Variants in RGS6 observed in about 807,000 individuals in gnomAD.
RGS6 encodes regulator of G protein signaling 6.
A neutral mutation model predicts 78.5 loss-of-function variants in RGS6; 30 were observed. The observed-to-expected ratio is 0.38, with a 90% confidence interval of 0.29 to 0.52. The LOEUF (loss-of-function observed/expected upper bound fraction) is 0.52. RGS6 is among the 20% of genes least tolerant of loss of function. RGS6 has a pLI of 0.85. For missense variants in RGS6, 495 were observed against 609.7 expected (o/e 0.81, Z 1.98); for synonymous variants, 206 against 206.0 (o/e 1.00, Z 0.00).
upstream of RGS6, among the ~76,000 whole-genome samples, chr14:71,930,506 C>G (rs141141198): frequency 4.3e-3 from 657 of 152,138 alleles, 6 homozygotes; most frequent in African/African-American, 0.015. Context: ...ATATAATACA[C>G]AAAATGTATC....
the RGS6 span, chr14:72,619,857 T>C: frequency 1.4e-6 from 2 of 1,480,420 alleles, no homozygotes; most frequent in Non-Finnish European, 9.0e-7. Context: ...GTGCTAGTAG[T>C]AGTAGTATCT....
intron 2 of RGS6, among the ~76,000 whole-genome samples, chr14:72,253,774 G>T (rs1294442146): frequency 6.6e-6 from 1 of 152,148 alleles, no homozygotes; most frequent in Non-Finnish European, 1.5e-5. Flanking sequence ...AGAGAGCTGA[G>T]CATCGGCCAA....
intron 2 of RGS6, among the ~76,000 whole-genome samples, chr14:72,023,457 C>A (rs1048547553): frequency 2.2e-4 from 33 of 152,206 alleles, no homozygotes; most frequent in African/African-American, 8.0e-4. Context: ...ACTAGATATT[C>A]ACTAGAACAT....
At chr14:72,050,810 CTT>C (rs2093186692) in intron 2 of RGS6, among the ~76,000 whole-genome samples, 1 of 152,116 alleles carries the variant, frequency 6.6e-6, no homozygotes, top group Admixed American at 6.5e-5. Flanking sequence ...GGAGGGCTGA[CTT>C]TGCGCATATG....
chr14:72,116,580 G>A (rs772158111), intron 2 of RGS6, among the ~76,000 whole-genome samples: 2 of 151,760 alleles, frequency 1.3e-5, no homozygotes, highest in Non-Finnish European at 2.9e-5. Context: ...TGTCACATGG[G>A]GCAAAATCAT....
the RGS6 span, among the ~76,000 whole-genome samples, chr14:72,593,120 A>T: frequency 6.6e-6 from 1 of 151,896 alleles, no homozygotes; most frequent in Non-Finnish European, 1.5e-5. Flanking sequence ...GCAGGAGAGG[A>T]CAGAAGGAAG....
chr14:71,990,585 T>G (rs1566972115), intron 2 of RGS6: 3 of 456,010 alleles, frequency 6.6e-6, no homozygotes, highest in Non-Finnish European at 8.8e-6. Context: ...TTCACAAGCA[T>G]TCTGTCTTGG....
chr14:72,371,291 C>T (rs911759682), intron 3 of RGS6, among the ~76,000 whole-genome samples: 9 of 152,180 alleles, frequency 5.9e-5, no homozygotes, highest in Non-Finnish European at 1.2e-4. Flanking sequence ...TAAAATCTTA[C>T]TCTAAATGTC....
upstream of RGS6, among the ~76,000 whole-genome samples, chr14:71,928,577 C>T (rs2087752817): frequency 6.6e-6 from 1 of 152,200 alleles, no homozygotes; most frequent in African/African-American, 2.4e-5. Context: ...GTTATTGAAA[C>T]TAAATTGCCA....
intron 3 of RGS6, among the ~76,000 whole-genome samples, chr14:72,449,114 A>C (rs1328783612): frequency 6.6e-6 from 1 of 152,130 alleles, no homozygotes; most frequent in Non-Finnish European, 1.5e-5. Flanking sequence ...GCCTGGCAGG[A>C]ATGTGAAAAT....
intron 2 of RGS6, among the ~76,000 whole-genome samples, chr14:72,297,432 T>G (rs2681722): frequency 7.0e-6 from 1 of 142,590 alleles, no homozygotes; most frequent in Non-Finnish European, 1.5e-5. Context: ...TATTATTATT[T>G]TTTTTTTATA....
At chr14:72,560,118 C>A (rs183670786) in intron 17 of RGS6, among the ~76,000 whole-genome samples, 2 of 147,820 alleles carry the variant, frequency 1.4e-5, no homozygotes, top group East Asian at 4.0e-4. Flanking sequence ...TTTTTTTTTT[C>A]CCATCCACCA....
At chr14:71,932,321 G>C (rs556884264), upstream of RGS6, 17 of 148,518 alleles carry the variant, frequency 1.1e-4, no homozygotes, top group African/African-American at 4.1e-4. Context: ...TCCGGGCCCA[G>C]GTGCCGGGGC....
intron 3 of RGS6, among the ~76,000 whole-genome samples, chr14:72,397,045 A>G (rs1290542798): frequency 6.6e-6 from 1 of 152,176 alleles, no homozygotes; most frequent in Non-Finnish European, 1.5e-5. Flanking sequence ...TTTTGGTTCC[A>G]TATGAACCTT....
At chr14:72,393,408 G>A (rs2090458773) in intron 3 of RGS6, among the ~76,000 whole-genome samples, 1 of 152,116 alleles carries the variant, frequency 6.6e-6, no homozygotes, top group Admixed American at 6.5e-5. Context: ...TGCACCCAAG[G>A]CATCACCAGT....
chr14:72,224,666 A>G (rs547409170), intron 2 of RGS6, among the ~76,000 whole-genome samples: 2 of 152,290 alleles, frequency 1.3e-5, no homozygotes, highest in Non-Finnish European at 2.9e-5. Context: ...GACACTGTAC[A>G]CTTTGTGAAT....
chr14:72,612,755 T>C, the RGS6 span: 4 of 376,740 alleles, frequency 1.1e-5, no homozygotes, highest in African/African-American at 6.3e-5. Context: ...TATTGCCAAA[T>C]ATCTTTCATG....
At chr14:71,991,647 CT>C (rs2094959275) in intron 2 of RGS6, among the ~76,000 whole-genome samples, 2 of 152,088 alleles carry the variant, frequency 1.3e-5, no homozygotes, top group African/African-American at 4.8e-5. Context: ...TTGTGGTTAA[CT>C]TTTGAAGTAC....
intron 14 of RGS6, among the ~76,000 whole-genome samples, chr14:72,517,221 C>T (rs758896126): frequency 4.9e-4 from 75 of 152,066 alleles, no homozygotes; most frequent in African/African-American, 1.7e-3. Context: ...CTTTCCACCA[C>T]GTCATGTTTC....
Sources: allele counts gnomAD v4.1 joint callset (sites outside exome capture counted in the v4.1 genomes callset), GRCh38; gene constraint gnomAD v4.1.1; transcripts MANE v1.5; gene names NCBI Gene and HGNC (gene_info 2026-07-23, HGNC 2026-07-21).